Variants in SLIT3 observed in about 807,000 individuals in gnomAD.
SLIT3 encodes slit guidance ligand 3.
A neutral mutation model predicts 184.0 loss-of-function variants in SLIT3; 68 were observed. That is an observed-to-expected ratio of 0.37 (90% confidence interval 0.30 to 0.45). The LOEUF (loss-of-function observed/expected upper bound fraction) is 0.45. Among genes scored for constraint, SLIT3 ranks in the 20% least tolerant of loss-of-function variants. SLIT3 has a pLI of 1.00. For synonymous variants in SLIT3, 831 were observed against 828.6 expected (o/e 1.00, Z -0.05); for missense variants, 1,707 against 2,026.0 (o/e 0.84, Z 3.02).
At chr5:169,069,292 C>T (rs1305144990) in intron 4 of SLIT3, among the ~76,000 whole-genome samples, 1 of 152,210 alleles carries the variant, frequency 6.6e-6, no homozygotes, top group African/African-American at 2.4e-5. Context: ...CAGGTGCTCC[C>T]ATTTCACAGT....
At chr5:169,089,080 T>C (rs537194000) in intron 4 of SLIT3, among the ~76,000 whole-genome samples, 4 of 132,022 alleles carry the variant, frequency 3.0e-5, no homozygotes, top group African/African-American at 1.2e-4. Context: ...GATTCTCCAG[T>C]GGTAGGGCCA....
intron 12 of SLIT3, among the ~76,000 whole-genome samples, chr5:168,784,337 T>A (rs1205945234): frequency 6.6e-6 from 1 of 152,100 alleles, no homozygotes; most frequent in Non-Finnish European, 1.5e-5. Flanking sequence ...ACACATAGCC[T>A]TAAAAGCCCA....
chr5:168,807,987 C>A (rs1046836189), intron 8 of SLIT3, among the ~76,000 whole-genome samples: 2 of 152,162 alleles, frequency 1.3e-5, no homozygotes, highest in Non-Finnish European at 2.9e-5. Context: ...TTTACCTCCC[C>A]AGAAAGTGCC....
At chr5:169,008,657 GTTTTT>G (rs369408913) in intron 4 of SLIT3, among the ~76,000 whole-genome samples, 1 of 151,254 alleles carries the variant, frequency 6.6e-6, no homozygotes, top group East Asian at 1.9e-4. Flanking sequence ...TGCTGTTGTT[GTTTTT>G]TTTTAACTTT....
intron 4 of SLIT3, among the ~76,000 whole-genome samples, chr5:169,025,566 T>C (rs181679717): frequency 8.7e-4 from 133 of 152,324 alleles, no homozygotes; most frequent in Middle Eastern, 6.8e-3. Context: ...CCTCAATCCA[T>C]ACCTGGTAAA....
intron 4 of SLIT3, among the ~76,000 whole-genome samples, chr5:168,955,740 G>A (rs554056184): frequency 1.5e-4 from 23 of 152,350 alleles, no homozygotes; most frequent in African/African-American, 5.5e-4. Flanking sequence ...GCTGGGAATT[G>A]AAAGACTGTG....
chr5:169,229,642 T>TTCTCTTTCTCTCTCTCTCTCTCTCTC (rs1764927032), intron 3 of SLIT3, among the ~76,000 whole-genome samples: 2 of 148,224 alleles, frequency 1.3e-5, no homozygotes, highest in African/African-American at 5.0e-5. Context: ...AAATAAATTC[T>TTCTCTTTCTCTCTCTCTCTCTCTCTC]TCTCTCTCTC....
intron 4 of SLIT3, among the ~76,000 whole-genome samples, chr5:168,994,621 TAC>T (rs1327020739): frequency 7.7e-6 from 1 of 130,162 alleles, no homozygotes; most frequent in African/African-American, 2.9e-5. Context: ...TCTGGCATTC[TAC>T]TTTTTTTTTT....
chr5:168,876,008 G>T (rs2974434), intron 5 of SLIT3, among the ~76,000 whole-genome samples: 6 of 151,892 alleles, frequency 4.0e-5, no homozygotes, highest in Non-Finnish European at 7.4e-5. Context: ...GCCTTGCCTC[G>T]GATGAGCAGA....
chr5:169,113,554 G>A (rs1043904605), intron 4 of SLIT3, among the ~76,000 whole-genome samples: 1 of 151,924 alleles, frequency 6.6e-6, no homozygotes, highest in Non-Finnish European at 1.5e-5. Context: ...AATACCATTC[G>A]ATCCTCTTTA....
intron 28 of SLIT3, 90 bp downstream of exon 28, chr5:168,696,202 A>G: frequency 6.9e-7 from 1 of 1,455,048 alleles, no homozygotes; most frequent in South Asian, 1.2e-5. Flanking sequence ...CCTCAGGGAG[A>G]GAGGAAGAGA....
chr5:169,270,112 G>C (rs970345001), intron 1 of SLIT3, among the ~76,000 whole-genome samples: 3 of 152,170 alleles, frequency 2.0e-5, no homozygotes, highest in African/African-American at 7.2e-5. Flanking sequence ...TTGCCACAAA[G>C]ATTGGATTCT....
chr5:169,260,265 G>C (rs1041173097), intron 1 of SLIT3, among the ~76,000 whole-genome samples: 2 of 152,164 alleles, frequency 1.3e-5, no homozygotes, highest in Non-Finnish European at 2.9e-5. Context: ...TTTACCACCA[G>C]CAAAGAGGTT....
chr5:168,751,031 T>C (rs1467998648), intron 18 of SLIT3, among the ~76,000 whole-genome samples: 1 of 109,808 alleles, frequency 9.1e-6, no homozygotes, highest in Non-Finnish European at 1.9e-5. Flanking sequence ...TGAGCAAAGG[T>C]GGAAGGGAGA....
At chr5:168,892,220 A>G (rs945330793) in intron 4 of SLIT3, among the ~76,000 whole-genome samples, 2 of 152,256 alleles carry the variant, frequency 1.3e-5, no homozygotes, top group African/African-American at 2.4e-5. Context: ...TTGCCATTTC[A>G]AGATGTAATC....
rs532693392 is a variant in SLIT3, at chr5:169,134,658, G to A, written c.413+58821C>T. On this transcript the variant is annotated intron_variant, in intron 4 of 35. Transcript: ENST00000519560. Reference sequence around the variant, plus strand: ...GAGAAATACCTAATGAAAATGTCGAGTTGATGGGTGCAGCAAACCAACATG... The same window carrying A: ...GAGAAATACCTAATGAAAATGTCGAATTGATGGGTGCAGCAAACCAACATG... 1.2e-4 allele frequency among the ~76,000 whole-genome samples: 18 copies of A among 152,320 alleles called. No homozygotes were observed. The South Asian group carries it at 3.3e-3, about 28-fold the overall frequency.
intron 1 of SLIT3, among the ~76,000 whole-genome samples, chr5:169,281,049 G>T (rs1035936509): frequency 6.6e-6 from 1 of 152,204 alleles, no homozygotes; most frequent in Non-Finnish European, 1.5e-5. Context: ...GGTAGGGACT[G>T]CAGTGAAATG....
intron 20 of SLIT3, among the ~76,000 whole-genome samples, chr5:168,745,619 C>T (rs1314179119): frequency 6.6e-6 from 1 of 152,166 alleles, no homozygotes; most frequent in Non-Finnish European, 1.5e-5. Flanking sequence ...ACCATGTTGG[C>T]CAGGCTGGTC....
At chr5:169,234,794 C>T (rs1465696456) in intron 3 of SLIT3, among the ~76,000 whole-genome samples, 2 of 152,180 alleles carry the variant, frequency 1.3e-5, no homozygotes, top group African/African-American at 4.8e-5. Flanking sequence ...AGGTAGTCTG[C>T]AGTCACTGCA....
Sources: gnomAD v4.1 joint callset for allele counts (sites outside exome capture counted in the v4.1 genomes callset) on GRCh38, gnomAD v4.1.1 for gene constraint, MANE v1.5 for transcripts, NCBI Gene and HGNC (gene_info 2026-07-23, HGNC 2026-07-21) for gene names.